CPNE4: variants seen among roughly 807,000 people sequenced by gnomAD.
CPNE4 encodes the protein copine-4.
CPNE4 carries 25 observed loss-of-function variants against 67.9 expected under a neutral mutation model. The ratio of observed to expected loss-of-function variants is 0.37; its 90% CI spans 0.27 to 0.51. The LOEUF is 0.51. Among genes scored for constraint, CPNE4 ranks in the 20% least tolerant of loss-of-function variants. The pLI is 0.93. For missense variants in CPNE4, 464 were observed against 690.8 expected (o/e 0.67, Z 3.68); for synonymous variants, 242 against 244.9 (o/e 0.99, Z 0.11).
intron 1 of CPNE4, among the ~76,000 whole-genome samples, chr3:132,014,823 A>G (rs2073853785): frequency 6.6e-6 from 1 of 152,188 alleles, no homozygotes; most frequent in African/African-American, 2.4e-5. Context: ...TTCCAAAGTC[A>G]TTGTATCATG....
At chr3:132,028,637 A>G (rs1409088305) in intron 1 of CPNE4, among the ~76,000 whole-genome samples, 3 of 152,210 alleles carry the variant, frequency 2.0e-5, no homozygotes, top group Non-Finnish European at 4.4e-5. Context: ...AGCATTGTAT[A>G]TATTATTGCT....
At chr3:131,861,077 C>A (rs2086659488) in intron 2 of CPNE4, among the ~76,000 whole-genome samples, 1 of 152,148 alleles carries the variant, frequency 6.6e-6, no homozygotes, top group Non-Finnish European at 1.5e-5. Context: ...CCATTTTAGA[C>A]TTTCTGAAAC....
intron 7 of CPNE4, among the ~76,000 whole-genome samples, chr3:131,637,203 G>T (rs965758635): frequency 1.3e-5 from 2 of 152,244 alleles, no homozygotes; most frequent in African/African-American, 4.8e-5. Context: ...TCTCTGAATT[G>T]CCAGATAAAG....
At chr3:131,832,659 G>A (rs1236087661) in intron 2 of CPNE4, among the ~76,000 whole-genome samples, 1 of 152,128 alleles carries the variant, frequency 6.6e-6, no homozygotes, top group Non-Finnish European at 1.5e-5. Context: ...TTGTATTTTG[G>A]AAGCACATAC....
At chr3:131,588,102 CA>C (rs939402626) in intron 7 of CPNE4, among the ~76,000 whole-genome samples, 3 of 151,918 alleles carry the variant, frequency 2.0e-5, no homozygotes, top group African/African-American at 4.8e-5. Flanking sequence ...GCAATGACAA[CA>C]AAAATTATTA....
At chr3:131,679,570 T>C (rs78340229) in intron 6 of CPNE4, among the ~76,000 whole-genome samples, 1,885 of 152,304 alleles carry the variant, frequency 0.012, 35 homozygotes, top group African/African-American at 0.042. Context: ...ATTTTAGTGC[T>C]ATAAATTTCC....
chr3:131,857,294 CA>C (rs758783813), intron 2 of CPNE4, among the ~76,000 whole-genome samples: 1 of 152,028 alleles, frequency 6.6e-6, no homozygotes, highest in Non-Finnish European at 1.5e-5. Context: ...GTGCTTTCTT[CA>C]CTCTAAAAAT....
intron 2 of CPNE4, among the ~76,000 whole-genome samples, chr3:131,801,396 A>C (rs1269898742): frequency 9.0e-6 from 1 of 110,726 alleles, no homozygotes; most frequent in Non-Finnish European, 2.0e-5. Context: ...TGGTACATAT[A>C]TATATAGGTA....
At chr3:131,609,397 T>C (rs551027110) in intron 7 of CPNE4, among the ~76,000 whole-genome samples, 17 of 152,312 alleles carry the variant, frequency 1.1e-4, no homozygotes, top group African/African-American at 3.8e-4. Context: ...GTGATGTGTT[T>C]CACCTCTGGA....
chr3:131,735,326 A>G (rs114161554), intron 2 of CPNE4, among the ~76,000 whole-genome samples: 1,536 of 152,320 alleles, frequency 0.01, 26 homozygotes, highest in African/African-American at 0.035. Context: ...ATCATCAGAC[A>G]TTACTGCATG....
chr3:131,923,932 G>A (rs546255291), intron 1 of CPNE4, among the ~76,000 whole-genome samples: 16 of 151,984 alleles, frequency 1.1e-4, no homozygotes, highest in Admixed American at 3.3e-4. Flanking sequence ...GGACCAAGGG[G>A]CCAGTGGCTG....
At chr3:131,631,108 A>G (rs146642920) in intron 7 of CPNE4, among the ~76,000 whole-genome samples, 5 of 152,316 alleles carry the variant, frequency 3.3e-5, no homozygotes, top group African/African-American at 9.6e-5. Flanking sequence ...GCAGAATGAC[A>G]TATTTTCAGA....
intron 8 of CPNE4, among the ~76,000 whole-genome samples, chr3:131,582,207 CAT>C (rs748939547): frequency 2.9e-4 from 44 of 152,114 alleles, no homozygotes; most frequent in Non-Finnish European, 5.6e-4. Context: ...AATAAATTAA[CAT>C]AGAACTTCAT....
intron 2 of CPNE4, among the ~76,000 whole-genome samples, chr3:131,823,943 A>G (rs903501937): frequency 6.6e-6 from 1 of 152,222 alleles, no homozygotes; most frequent in African/African-American, 2.4e-5. Flanking sequence ...ACACCCAGCA[A>G]GAGATTACAA....
chr3:131,786,413 C>T (rs1284442815), intron 2 of CPNE4, among the ~76,000 whole-genome samples: 1 of 152,122 alleles, frequency 6.6e-6, no homozygotes, highest in African/African-American at 2.4e-5. Flanking sequence ...TCATGTAGGA[C>T]ATCTAAAAAT....
chr3:131,920,432 A>G (rs1250099929), intron 1 of CPNE4, among the ~76,000 whole-genome samples: 2 of 152,118 alleles, frequency 1.3e-5, no homozygotes, highest in Non-Finnish European at 2.9e-5. Flanking sequence ...TATCACTTAC[A>G]TGCTATAGCT....
At chr3:131,793,332 T>G (rs2083831940) in intron 2 of CPNE4, among the ~76,000 whole-genome samples, 2 of 152,168 alleles carry the variant, frequency 1.3e-5, no homozygotes, top group African/African-American at 4.8e-5. Flanking sequence ...ATCACTCCCC[T>G]GCTTAAAATT....
chr3:131,545,765 C>G (rs1156778502), intron 14 of CPNE4, among the ~76,000 whole-genome samples: 1 of 152,110 alleles, frequency 6.6e-6, no homozygotes, highest in East Asian at 1.9e-4. Flanking sequence ...TTATGTTGTA[C>G]ATTTAAAAAT....
rs539359101 is a variant in CPNE4, at chr3:131,675,779, G to T, written c.592-6015C>A. Among the ~76,000 whole-genome samples the T allele has an allele frequency of 1.1e-4, 16 of 151,722 alleles. 1 individual carries two copies. The highest frequency in any genetic ancestry group is 2.4e-4 in the Non-Finnish European group (16 of 67,916). ...GGCAACCCTATGTCTTTTTATTGGA[G>T]TGTTTAGTCCCATTACATTCAATGT... On this transcript the variant is annotated intron_variant, in intron 6 of 15. Coordinates refer to ENST00000429747, the MANE Select transcript of CPNE4 (RefSeq NM_130808.3).
Sources: allele counts gnomAD v4.1 joint callset (sites outside exome capture counted in the v4.1 genomes callset), GRCh38; gene constraint gnomAD v4.1.1; transcripts MANE v1.5; gene names NCBI Gene and HGNC (gene_info 2026-07-23, HGNC 2026-07-21).